EVC: variants seen among roughly 807,000 people sequenced by gnomAD.
EVC encodes EvC ciliary complex subunit 1, also known as evC complex member EVC.
A neutral mutation model predicts 118.9 loss-of-function variants in EVC; 116 were observed. That is an observed-to-expected ratio of 0.98 (90% confidence interval 0.84 to 1.14). The LOEUF is 1.14. Among genes scored for constraint, EVC ranks in the 50% most tolerant of loss-of-function variants. The pLI, the probability that EVC is intolerant of heterozygous loss-of-function variation, is 0.00. For synonymous variants in EVC, 619 were observed against 534.7 expected (o/e 1.16, Z -2.18); for missense variants, 1,401 against 1,246.4 (o/e 1.12, Z -1.87).
chr4:5,759,678 C>G (rs1285984104), intron 11 of EVC, among the ~76,000 whole-genome samples: 1 of 152,208 alleles, frequency 6.6e-6, no homozygotes, highest in Non-Finnish European at 1.5e-5. Context: ...CACAACCAGG[C>G]TGACAGCCTG....
chr4:5,771,415 G>T (rs1733934931), intron 11 of EVC, among the ~76,000 whole-genome samples: 2 of 152,108 alleles, frequency 1.3e-5, no homozygotes. Context: ...ACCCTGTGAT[G>T]ACATTGGAGC....
the EVC span, chr4:5,828,620 G>A: frequency 3.1e-6 from 5 of 1,614,228 alleles, no homozygotes; most frequent in Admixed American, 3.3e-5. Context: ...ATGACCACTA[G>A]TGGGGAGCCG....
At chr4:5,779,583 A>G (rs1184195850) in intron 11 of EVC, among the ~76,000 whole-genome samples, 1 of 121,556 alleles carries the variant, frequency 8.2e-6, no homozygotes, top group East Asian at 2.1e-4. Context: ...ATTCCTAGGT[A>G]TTTTATTCTC....
At chr4:5,718,129 C>A (rs1023631854) in intron 1 of EVC, among the ~76,000 whole-genome samples, 1 of 152,132 alleles carries the variant, frequency 6.6e-6, no homozygotes, top group Non-Finnish European at 1.5e-5. Context: ...ATATAGTCTA[C>A]TCTCCTTATT....
At chr4:5,770,020 A>T (rs1459086205) in intron 11 of EVC, among the ~76,000 whole-genome samples, 1 of 152,044 alleles carries the variant, frequency 6.6e-6, no homozygotes, top group Admixed American at 6.5e-5. Context: ...ATGATAATGG[A>T]AGGCTACAGA....
In EVC at chr4:5,737,568, G is replaced by A. The variant is rs77647095; in HGVS notation, c.702+4133G>A. ...CTAATGCGGGAGATGACTTTAAGTT[G>A]AAGCCAGTGCTCATGCACCACTCCG... On this transcript the variant is annotated intron_variant, in intron 5 of 20. Transcript: ENST00000264956. This position sits in a 1 kb window ranked among gnomAD's most constrained non-coding sequence, Gnocchi z 5.0. Among the ~76,000 whole-genome samples, 402 of 152,316 alleles carry A rather than the reference G, an allele frequency of 2.6e-3. 7 individuals are homozygous for A. The East Asian group carries it at 0.046, about 17-fold the overall frequency.
chr4:5,751,906 A>C (rs1435535432), intron 8 of EVC, among the ~76,000 whole-genome samples: 1 of 152,152 alleles, frequency 6.6e-6, no homozygotes, highest in Non-Finnish European at 1.5e-5. Context: ...TGTGCAGGAC[A>C]GGGCCCCACA....
the EVC span, among the ~76,000 whole-genome samples, chr4:5,820,334 C>T: frequency 1.2e-4 from 16 of 130,456 alleles, no homozygotes; most frequent in Non-Finnish European, 1.8e-4. Context: ...CCATCATTGT[C>T]ATCACTATTA....
the EVC span, chr4:5,821,094 G>C: frequency 6.6e-6 from 1 of 152,404 alleles, no homozygotes; most frequent in South Asian, 2.1e-4. The surrounding 1 kb of genome is among the most constrained non-coding windows in gnomAD (Gnocchi z 4.4). Context: ...AGCACGGTGA[G>C]TTACAAGTGC....
the EVC span, chr4:5,825,752 C>T: frequency 1.5e-6 from 2 of 1,320,600 alleles, no homozygotes; most frequent in South Asian, 2.7e-5. The surrounding 1 kb of genome is among the most constrained non-coding windows in gnomAD (Gnocchi z 4.4). Flanking sequence ...GAGAGAGAAA[C>T]CTGAGGTCAC....
rs1031323282 is a variant in EVC at position 5,798,358 on chromosome 4, G to A, written c.2098-228G>A. ...AGGGGCCATAGATGGTACTGGGCAC[G>A]CAGTTGATGCTCAATAAATGCCCTT... is the stretch of plus-strand genomic sequence containing the variant. On this transcript the variant is annotated intron_variant, in intron 14 of 20. Coordinates refer to ENST00000264956, the MANE Select transcript of EVC (RefSeq NM_153717.3). This position sits in a 1 kb window ranked among gnomAD's most constrained non-coding sequence, Gnocchi z 4.1. Among the ~76,000 whole-genome samples the A allele has an allele frequency of 3.9e-5, 6 of 152,212 alleles. No individual in the cohort carries two copies. Among genetic ancestry groups the A allele is most frequent in the Admixed American group, 1.3e-4 (2 of 15,280 alleles).
the EVC span, among the ~76,000 whole-genome samples, chr4:5,819,819 T>C: frequency 3.3e-5 from 5 of 152,128 alleles, no homozygotes; most frequent in Non-Finnish European, 5.9e-5. Flanking sequence ...ATTCTTGGTC[T>C]TTCTCAGTAG....
chr4:5,802,258 C>G (rs567744262), intron 16 of EVC, among the ~76,000 whole-genome samples, 164 bp downstream of exon 16: 1 of 152,230 alleles, frequency 6.6e-6, no homozygotes, highest in East Asian at 1.9e-4. Flanking sequence ...AAGCCTTTTT[C>G]AAAAGGCACT....
intron 1 of EVC, among the ~76,000 whole-genome samples, chr4:5,717,544 C>G (rs1379681635): frequency 2.0e-5 from 3 of 152,176 alleles, no homozygotes; most frequent in African/African-American, 4.8e-5. Flanking sequence ...TTCTTCTTTG[C>G]AGGACCCTTG....
At chr4:5,824,406 C>G in the EVC span, 2 of 985,190 alleles carry the variant, frequency 2.0e-6, no homozygotes, top group South Asian at 4.7e-5. Context: ...CATGCCTCCT[C>G]GGCATAATCA....
Position 5,798,785 on chromosome 4 carries a change from A to T in EVC, c.2297A>T (p.Asp766Val), listed in dbSNP as rs547388803. 1 of 1,610,698 alleles carries T rather than the reference A, an allele frequency of 6.2e-7. No individual in the cohort carries two copies. The highest frequency in any genetic ancestry group is 2.2e-5 in the East Asian group (1 of 44,842). The part of the protein sequence containing the change: ...ATKSRAKDRD[D>V]FKRTLMEAAV... The stretch of plus-strand genomic sequence containing the variant: ...AAGAGCCGGGCCAAGGACAGGGATG[A>T]CTTCAAGGTATGCACTGACCTCTGT... Residue 766 changes from aspartate (D) to valine (V), a missense_variant, in exon 15 of 21, where the codon GAC (aspartate) becomes GTC (valine). By Grantham distance (152) the Asp-to-Val change is radical. Coordinates refer to ENST00000264956, the MANE Select transcript of EVC (RefSeq NM_153717.3). The surrounding 1 kb of genome is among the most constrained non-coding windows in gnomAD (Gnocchi z 4.1).
chr4:5,745,403 A>G (rs1231180050), intron 7 of EVC, 62 bp downstream of exon 7: 23 of 1,565,070 alleles, frequency 1.5e-5, no homozygotes, highest in African/African-American at 2.7e-5. Flanking sequence ...TAAATTGGCT[A>G]CATTAGAGAG....
At position 5,731,010 on chromosome 4, in the gene EVC, G is replaced by A. The variant is rs1410975752; in HGVS notation, c.385-415G>A. ...AGGGTGACTCCTGCTCTGTGCAGGC[G>A]AAGGACAGGTGGTTGGCAGGATTCG... On this transcript the variant is annotated intron_variant, in intron 3 of 20. Coordinates refer to ENST00000264956, the MANE Select transcript of EVC (RefSeq NM_153717.3). This position sits in a 1 kb window ranked among gnomAD's most constrained non-coding sequence, Gnocchi z 5.6. 7.2e-5 allele frequency among the ~76,000 whole-genome samples: 11 copies of A among 152,176 alleles called. No homozygotes were observed. In the South Asian group the frequency reaches 1.5e-3, roughly 20 times the overall value.
chr4:5,804,223 C>T (rs1715486981), intron 16 of EVC, among the ~76,000 whole-genome samples: 1 of 152,282 alleles, frequency 6.6e-6, no homozygotes, highest in Admixed American at 6.5e-5. Flanking sequence ...CAAGCGTGAG[C>T]CACCTCGCCC....
Sources: gnomAD v4.1 joint callset for allele counts (sites outside exome capture counted in the v4.1 genomes callset) on GRCh38, gnomAD v4.1.1 for gene constraint, Gnocchi (gnomAD v3.1) non-coding constraint, MANE v1.5 for transcripts, NCBI Gene and HGNC (gene_info 2026-07-23, HGNC 2026-07-21) for gene names.